Variants in USP10 observed in about 807,000 individuals in gnomAD.
The protein encoded by USP10 is ubiquitin carboxyl-terminal hydrolase 10.
Under a neutral mutation model 84.5 loss-of-function variants are expected in USP10, and 22 were observed. That is an observed-to-expected ratio of 0.26 (90% CI 0.19 to 0.37). The LOEUF (loss-of-function observed/expected upper bound fraction) is 0.37. Ranked by LOEUF, USP10 falls within the 10% of genes least tolerant of loss-of-function variation. The pLI is 1.00. For missense variants in USP10, 1,019 were observed against 998.9 expected (o/e 1.02, Z -0.27); for synonymous variants, 454 against 387.6 (o/e 1.17, Z -2.01).
chr16:84,748,015 G>C (rs1044139448), intron 4 of USP10, among the ~76,000 whole-genome samples: 1 of 151,488 alleles, frequency 6.6e-6, no homozygotes, highest in African/African-American at 2.4e-5. Flanking sequence ...TCAGCCAGGC[G>C]TGGTGGCGGG....
chr16:84,726,314 A>G (rs893940947), intron 1 of USP10, among the ~76,000 whole-genome samples: 1 of 152,254 alleles, frequency 6.6e-6, no homozygotes, highest in Admixed American at 6.5e-5. Flanking sequence ...AGGTTGTGCA[A>G]GTGAACATTA....
chr16:84,765,873 T>C (rs1323709897), intron 10 of USP10, among the ~76,000 whole-genome samples: 2 of 152,238 alleles, frequency 1.3e-5, no homozygotes, highest in Admixed American at 1.3e-4. Context: ...GAAAGGTTTT[T>C]CTTTATTTAC....
intron 1 of USP10, among the ~76,000 whole-genome samples, chr16:84,724,908 C>A (rs1019170573): frequency 6.6e-6 from 1 of 152,162 alleles, no homozygotes; most frequent in African/African-American, 2.4e-5. Context: ...TGAAAGCACA[C>A]AATGATTGTT....
intron 9 of USP10, among the ~76,000 whole-genome samples, chr16:84,763,823 G>A (rs758166025): frequency 2.0e-5 from 3 of 150,516 alleles, no homozygotes; most frequent in Non-Finnish European, 3.0e-5. Flanking sequence ...ATCCAGTGAC[G>A]TTGTGCCTGT....
chr16:84,704,973 C>T (rs1905287184), intron 1 of USP10: 7 of 1,431,008 alleles, frequency 4.9e-6, no homozygotes, highest in Middle Eastern at 2.0e-4. Context: ...GGAGTGCGGG[C>T]CCAGCACCTG....
intron 1 of USP10, among the ~76,000 whole-genome samples, chr16:84,715,651 A>AAC (rs1384282903): frequency 1.5e-4 from 23 of 151,864 alleles, no homozygotes; most frequent in Non-Finnish European, 1.3e-4. Context: ...TTTTTTTAAA[A>AAC]AAACAAACAA....
chr16:84,774,672 G>T (rs1033881620), intron 12 of USP10, among the ~76,000 whole-genome samples: 1 of 151,988 alleles, frequency 6.6e-6, no homozygotes, highest in African/African-American at 2.4e-5. Flanking sequence ...TGGTTTCACT[G>T]TATTAGCCAG....
intron 1 of USP10, among the ~76,000 whole-genome samples, chr16:84,710,159 A>T (rs1036787053): frequency 6.6e-6 from 1 of 152,006 alleles, no homozygotes; most frequent in Non-Finnish European, 1.5e-5. Flanking sequence ...AATCCCAGCT[A>T]CTTGAGAGGC....
rs80310873 is a variant in USP10, at chr16:84,750,628, A to T, written c.1192+4955A>T. 4.0e-3 allele frequency among the ~76,000 whole-genome samples: 608 copies of T among 152,314 alleles called. 4 individuals are homozygous for T. Among genetic ancestry groups the T allele is most frequent in the African/African-American group, 0.014 (585 of 41,556 alleles). ...TTTTCCTGGGTCTTTACTAAGGAAC[A>T]TTCCTCATATACTAGACGAAATTGT... On this transcript the variant is annotated intron_variant, in intron 4 of 13. Coordinates refer to ENST00000219473, the MANE Select transcript of USP10 (RefSeq NM_005153.3).
intron 11 of USP10, among the ~76,000 whole-genome samples, chr16:84,770,232 A>G (rs1162092209): frequency 6.6e-6 from 1 of 152,218 alleles, no homozygotes; most frequent in East Asian, 1.9e-4. Flanking sequence ...TGAGGCCAGG[A>G]CCACTTTCAA....
In USP10 at chr16:84,759,941, G is replaced by A. The variant is rs1913012852; in HGVS notation, c.1445G>A (p.Arg482Gln). 1 of 1,613,904 alleles carries A rather than the reference G, an allele frequency of 6.2e-7. No individual in the cohort carries two copies. The highest frequency in any genetic ancestry group is 8.5e-7 in the Non-Finnish European group (1 of 1,179,838). ...AATATGCCAGTACCTCCAAAACCCC[G>A]ACAAGGTTAGTAAAAATGAGTTTTG... is the stretch of plus-strand genomic sequence containing the variant. ...FTNMPVPPKP[R>Q]QALGDKIVRD... The change falls in exon 7 of 14, where the codon CGA becomes CAA. Residue 482 changes from arginine to glutamine, a missense_variant. Transcript: ENST00000219473.
chr16:84,756,886 C>G (rs937056973), intron 4 of USP10, among the ~76,000 whole-genome samples: 3 of 152,056 alleles, frequency 2.0e-5, no homozygotes, highest in East Asian at 1.9e-4. Context: ...AGACTTTAAG[C>G]CTGTGGGGAA....
intron 1 of USP10, among the ~76,000 whole-genome samples, chr16:84,725,707 C>G (rs936443714): frequency 4.6e-5 from 7 of 152,132 alleles, no homozygotes; most frequent in African/African-American, 1.7e-4. Flanking sequence ...CCCGGCCTGT[C>G]TGACGACATT....
In USP10 at chr16:84,745,533, C is replaced by G; in HGVS notation, c.1052C>G (p.Pro351Arg). 6.2e-7 allele frequency: 1 copy of G among 1,613,100 alleles called. No individual in the cohort carries two copies. The highest frequency in any genetic ancestry group is 8.5e-7 in the Non-Finnish European group (1 of 1,179,472). ...SWASLFHDSK[P>R]SSSSPVAYVE... is the part of the protein sequence containing the mutation. The stretch of plus-strand genomic sequence containing the variant: ...GCCAGCCTCTTTCATGATTCTAAGC[C>G]CTCTTCCTCCTCGCCGGTGGCCTAT... The change falls in exon 4 of 14, where the codon CCC becomes CGC. Residue 351 changes from proline to arginine, a missense_variant. Transcript: ENST00000219473.
At chr16:84,709,993 G>T (rs370947303) in intron 1 of USP10, among the ~76,000 whole-genome samples, 1 of 152,142 alleles carries the variant, frequency 6.6e-6, no homozygotes, top group African/African-American at 2.4e-5. Flanking sequence ...GGTTGAGGCC[G>T]GGTGCGAGGC....
intron 1 of USP10, among the ~76,000 whole-genome samples, chr16:84,730,457 C>G (rs769942153): frequency 6.0e-4 from 92 of 152,200 alleles, no homozygotes; most frequent in Non-Finnish European, 2.2e-4. Context: ...CGCTTAAAAT[C>G]TATAACATTT....
chr16:84,747,028 C>G (rs1257255229), intron 4 of USP10, among the ~76,000 whole-genome samples: 2 of 152,174 alleles, frequency 1.3e-5, no homozygotes, highest in African/African-American at 4.8e-5. Flanking sequence ...TCAGGAGCAT[C>G]AAGACGCCAC....
chr16:84,764,018 T>C (rs1951349091), intron 9 of USP10, 68 bp from the exon 10 acceptor site: 1 of 1,503,108 alleles, frequency 6.7e-7, no homozygotes, highest in African/African-American at 1.4e-5. Flanking sequence ...AATCGACAGA[T>C]CTGTGCCTTT....
intron 8 of USP10, among the ~76,000 whole-genome samples, chr16:84,761,947 A>T (rs1373026794): frequency 6.6e-6 from 1 of 152,254 alleles, no homozygotes; most frequent in Non-Finnish European, 1.5e-5. Flanking sequence ...ACTCACGTGA[A>T]CAGCTGCTGT....
Sources: allele counts gnomAD v4.1 joint callset (sites outside exome capture counted in the v4.1 genomes callset), GRCh38; gene constraint gnomAD v4.1.1; transcripts MANE v1.5; gene names NCBI Gene and HGNC (gene_info 2026-07-23, HGNC 2026-07-21).